The following MTPAP variants were observed in gnomAD, a reference collection of about 807,000 sequenced individuals.
MTPAP encodes the protein mitochondrial poly(A) polymerase.
A neutral mutation model predicts 48.7 loss-of-function variants in MTPAP; 23 were observed. The observed-to-expected ratio is 0.47, with a 90% CI of 0.34 to 0.67. MTPAP has a LOEUF of 0.67. MTPAP is among the 30% of genes least tolerant of loss of function. The pLI, the probability that MTPAP is intolerant of heterozygous loss-of-function variation, is 0.01. For missense variants in MTPAP, 614 were observed against 694.3 expected, an observed-to-expected ratio of 0.88 and a Z score of 1.30; for synonymous variants, 257 against 254.1, an observed-to-expected ratio of 1.01 and a Z score of -0.11.
Position 30,341,555 on chromosome 10 carries a change from A to G in MTPAP, c.243T>C (p.His81=). 1 of 1,614,160 alleles carries G rather than the reference A, an allele frequency of 6.2e-7. No homozygotes were observed. The highest frequency in any genetic ancestry group is 8.5e-7 in the Non-Finnish European group (1 of 1,179,988). ...TGTTTTCACTGATTTTCTCTGGGCA[A>G]TGTATTAAAACAGTCCGCTGTGCCT... ...REQAQRTVLI[H]CPEKISENKF... The change falls in exon 2 of 9, where the codon CAT becomes CAC. Residue 81 remains histidine (H), a synonymous_variant. Transcript: ENST00000263063.
At chr10:30,328,223 A>G (rs947360973) in intron 4 of MTPAP, among the ~76,000 whole-genome samples, 1 of 152,248 alleles carries the variant, frequency 6.6e-6, no homozygotes, top group Non-Finnish European at 1.5e-5. Context: ...AAAGTTGTGC[A>G]TGTTTTCTAG....
At chr10:30,335,374 T>C (rs1179102472) in intron 4 of MTPAP, among the ~76,000 whole-genome samples, 1 of 152,000 alleles carries the variant, frequency 6.6e-6, no homozygotes, top group Non-Finnish European at 1.5e-5. Context: ...CAGTCCCAGC[T>C]ACTTGGGAGG....
At chr10:30,342,742 G>A (rs1433401920) in intron 1 of MTPAP, among the ~76,000 whole-genome samples, 4 of 152,130 alleles carry the variant, frequency 2.6e-5, no homozygotes, top group Non-Finnish European at 4.4e-5. Context: ...CAAGGGTCTT[G>A]ATCTGGCTCA....
intron 3 of MTPAP, 46 bp from the exon 4 acceptor site, chr10:30,337,073 T>A: frequency 6.6e-7 from 1 of 1,507,256 alleles, no homozygotes; most frequent in Non-Finnish European, 9.2e-7. Context: ...AAAGTACAGG[T>A]CGCATAAAAA....
rs775900023 is a variant in MTPAP at position 30,322,572 on chromosome 10, T to G, written c.1038A>C (p.Leu346=). The G allele has an allele frequency of 6.2e-7, 1 of 1,614,062 alleles. No individual in the cohort carries two copies. The highest frequency in any genetic ancestry group is 1.1e-5 in the South Asian group (1 of 91,076). The change falls in exon 6 of 9, where the codon CTA becomes CTC. Residue 346 remains leucine, a synonymous_variant. Transcript: ENST00000263063. The part of the protein sequence containing the change: ...SSELLYIYGA[L]DSRVRALVFS... ...ACACCAAGGCTCTCACTCTTGAGTCTAGGGCACCATATATATAAAGGAGTT... is the reference window on the plus strand; with the variant it reads ...ACACCAAGGCTCTCACTCTTGAGTCGAGGGCACCATATATATAAAGGAGTT...
At position 30,314,884 on chromosome 10, in the gene MTPAP, C is replaced by CAAAAAAAAAAAA. The variant is rs34249388; in HGVS notation, c.1387-925_1387-914dup. 2.7e-3 allele frequency among the ~76,000 whole-genome samples: 296 copies of CAAAAAAAAAAAA among 110,658 alleles called. 1 individual carries two copies. The highest frequency in any genetic ancestry group is 2.9e-3 in the Admixed American group (27 of 9,338). The allele number at this position is 110,658 out of a possible 152,430, so 72.6% of individuals were successfully genotyped here. A position where few individuals can be genotyped will look rare whatever the true frequency, so the allele number is the denominator to read the frequency against. On this transcript the variant is annotated intron_variant, in intron 8 of 8. Coordinates refer to ENST00000263063, the MANE Select transcript of MTPAP (RefSeq NM_018109.4). The stretch of plus-strand genomic sequence containing the variant: ...GAGACTCTGTCTCAAAAAACAAAAA[C>CAAAAAAAAAAAA]AAAAAAAAAAAAAAAAAAAAAGAAG...
intron 8 of MTPAP, 108 bp downstream of exon 8, chr10:30,315,854 AC>A: frequency 8.2e-7 from 1 of 1,224,358 alleles, no homozygotes; most frequent in Non-Finnish European, 1.1e-6. Flanking sequence ...ACAAATTACT[AC>A]ACAAAAGAAA....
At chr10:30,322,906 G>A (rs552978785) in intron 5 of MTPAP, among the ~76,000 whole-genome samples, 1 of 152,130 alleles carries the variant, frequency 6.6e-6, no homozygotes, top group African/African-American at 2.4e-5. Flanking sequence ...GGAGGCCGAG[G>A]TGGGCGGATC....
At chr10:30,329,113 TG>T (rs1331051849) in intron 4 of MTPAP, among the ~76,000 whole-genome samples, 1 of 151,900 alleles carries the variant, frequency 6.6e-6, no homozygotes, top group Non-Finnish European at 1.5e-5. Context: ...CCAGGTATGG[TG>T]GTGCAAGCCT....
At chr10:30,344,062 T>A (rs1429949842) in intron 1 of MTPAP, among the ~76,000 whole-genome samples, 1 of 152,150 alleles carries the variant, frequency 6.6e-6, no homozygotes, top group Non-Finnish European at 1.5e-5. Context: ...CTTTTTTTTT[T>A]AAGTCTTATT....
In MTPAP at chr10:30,322,538, G is replaced by A. The variant is rs918158750; in HGVS notation, c.1072C>T (p.Arg358Trp). The change falls in exon 6 of 9, where the codon CGG becomes TGG. Residue 358 changes from arginine to tryptophan, a missense_variant. This residue lies in a region of MTPAP where 261 missense variants were observed against 355.4 expected (regional missense o/e 0.73). Coordinates refer to ENST00000263063, the MANE Select transcript of MTPAP (RefSeq NM_018109.4). ...SRVRALVFSV[R>W]CWARAHSLTS... ...AGTGAATGTGCTCGAGCCCAGCACC[G>A]TACACTGAACACCAAGGCTCTCACT... The A allele has an allele frequency of 2.5e-6, 4 of 1,613,916 alleles. No homozygotes were observed. Among genetic ancestry groups the A allele is most frequent in the Admixed American group, 1.7e-5 (1 of 60,004 alleles).
At chr10:30,317,101 A>T (rs190299746) in intron 6 of MTPAP, among the ~76,000 whole-genome samples, 4 of 152,208 alleles carry the variant, frequency 2.6e-5, no homozygotes, top group Admixed American at 1.3e-4. Flanking sequence ...GTTATATTTT[A>T]AAAAAAGATT....
chr10:30,349,204 C>A lies in MTPAP; in HGVS notation c.72G>T (p.Arg24=). 1 of 1,611,230 alleles carries A rather than the reference C, an allele frequency of 6.2e-7. No homozygotes were observed. The highest frequency in any genetic ancestry group is 8.5e-7 in the Non-Finnish European group (1 of 1,179,036). The change falls in exon 1 of 9, where the codon CGG becomes CGT. Residue 24 remains arginine (R), a synonymous_variant. Coordinates refer to ENST00000263063, the MANE Select transcript of MTPAP (RefSeq NM_018109.4). Reference sequence around the variant, plus strand: ...GGCAACTCAAAAGCCTGACGATAGGCCGCTGGACTCGAGTTCTTCTCCGGG... The same window carrying A: ...GGCAACTCAAAAGCCTGACGATAGGACGCTGGACTCGAGTTCTTCTCCGGG... ...LCARRRTRVQ[R]PIVRLLSCPG... is the part of the protein sequence containing the mutation.
rs1840627825 is a variant in MTPAP, at chr10:30,313,724, T to C, written c.1634A>G (p.Lys545Arg). ...APNRKSFTKK[K>R]SNKFAIETVK... ...TGTTTCAATTGCAAACTTATTGCTT[T>C]TCTTCTTGGTAAAGGACTTTCTGTT... is the stretch of plus-strand genomic sequence containing the variant. The change falls in exon 9 of 9, where the codon AAA becomes AGA. Residue 545 changes from lysine to arginine, a missense_variant. By Grantham distance (26) the Lys-to-Arg change is conservative (BLOSUM62 2). Transcript: ENST00000263063. 1.2e-6 allele frequency: 2 copies of C among 1,614,244 alleles called. No homozygotes were observed. Among genetic ancestry groups the C allele is most frequent in the Non-Finnish European group, 1.7e-6 (2 of 1,180,032 alleles).
At chr10:30,328,871 G>C (rs1201099502) in intron 4 of MTPAP, among the ~76,000 whole-genome samples, 1 of 152,152 alleles carries the variant, frequency 6.6e-6, no homozygotes, top group Non-Finnish European at 1.5e-5. Flanking sequence ...AGGAGTTAAG[G>C]ACAGAGAGAG....
chr10:30,345,254 ATTTAC>A (rs1449166460), intron 1 of MTPAP, among the ~76,000 whole-genome samples: 5 of 152,186 alleles, frequency 3.3e-5, no homozygotes, highest in Non-Finnish European at 7.4e-5. Flanking sequence ...GAAGATACAC[ATTTAC>A]TTTATTTCTT....
chr10:30,314,890 A>G (rs11007979), intron 8 of MTPAP, among the ~76,000 whole-genome samples: 3 of 142,498 alleles, frequency 2.1e-5, no homozygotes, highest in Non-Finnish European at 4.6e-5. Flanking sequence ...AAAACAAAAA[A>G]AAAAAAAAAA....
At chr10:30,325,952 T>G (rs1834590661) in intron 5 of MTPAP, among the ~76,000 whole-genome samples, 2 of 152,024 alleles carry the variant, frequency 1.3e-5, no homozygotes, top group Non-Finnish European at 2.9e-5. Flanking sequence ...AAGGGGACAT[T>G]TGTCTAGTAC....
At chr10:30,327,899 A>T (rs1397865954) in intron 4 of MTPAP, among the ~76,000 whole-genome samples, 3 of 152,152 alleles carry the variant, frequency 2.0e-5, no homozygotes, top group Admixed American at 2.0e-4. Flanking sequence ...ACTAAAATGT[A>T]AAAGGTGCAT....
Sources: gnomAD v4.1 joint callset for allele counts (sites outside exome capture counted in the v4.1 genomes callset) on GRCh38, gnomAD v4.1.1 for gene constraint, gnomAD v4.1.1 regional missense constraint, MANE v1.5 for transcripts, NCBI Gene and HGNC (gene_info 2026-07-23, HGNC 2026-07-21) for gene names.